Variants in SLC9A9 observed in about 807,000 individuals in gnomAD.
SLC9A9 encodes solute carrier family 9 member A9, also known as sodium/hydrogen exchanger 9.
A neutral mutation model predicts 77.8 loss-of-function variants in SLC9A9; 62 were observed. The ratio of observed to expected loss-of-function variants is 0.80; its 90% CI spans 0.65 to 0.98. The LOEUF is 0.98. SLC9A9 is among the 50% of genes least tolerant of loss of function. The pLI is 0.00. For missense variants in SLC9A9, 775 were observed against 774.9 expected, an observed-to-expected ratio of 1.00 and a Z score of 0.00; for synonymous variants, 320 against 283.5, an observed-to-expected ratio of 1.13 and a Z score of -1.29.
chr3:143,517,793 C>G (rs778912571), intron 9 of SLC9A9: 41 of 1,599,300 alleles, frequency 2.6e-5, no homozygotes, highest in Non-Finnish European at 3.1e-5. Context: ...AATGGCCAAG[C>G]AAGGATTCAG....
Position 143,683,150 on chromosome 3 carries a change from C to T in SLC9A9, c.649+10042G>A, listed in dbSNP as rs6782267. On this transcript the variant is annotated intron_variant, in intron 5 of 15. Coordinates refer to ENST00000316549, the MANE Select transcript of SLC9A9 (RefSeq NM_173653.4). Reference sequence around the variant, plus strand: ...GGGTGCATTATTTGACCAAGGGTGGCGATAAGTTCTGTACATTCCATTTAG... The same window carrying T: ...GGGTGCATTATTTGACCAAGGGTGGTGATAAGTTCTGTACATTCCATTTAG... Among the ~76,000 whole-genome samples the T allele has an allele frequency of 3.4e-3, 519 of 152,072 alleles. 4 individuals are homozygous for T. Among genetic ancestry groups the T allele is most frequent in the African/African-American group, 0.012 (492 of 41,494 alleles).
chr3:143,691,204 A>G (rs1389919145), intron 5 of SLC9A9, among the ~76,000 whole-genome samples: 9 of 151,938 alleles, frequency 5.9e-5, no homozygotes, highest in Non-Finnish European at 1.3e-4. Flanking sequence ...GAACTACCGA[A>G]GTGCACCATT....
intron 8 of SLC9A9, among the ~76,000 whole-genome samples, chr3:143,560,414 C>T (rs2037061868): frequency 6.6e-6 from 1 of 152,190 alleles, no homozygotes; most frequent in Admixed American, 6.5e-5. Context: ...AAAGGAGTAG[C>T]ACAATTTTTG....
At chr3:143,428,982 G>T (rs2034457388) in intron 12 of SLC9A9, among the ~76,000 whole-genome samples, 1 of 152,158 alleles carries the variant, frequency 6.6e-6, no homozygotes, top group African/African-American at 2.4e-5. Flanking sequence ...AAGTTTTGGT[G>T]CTCTATTACA....
intron 11 of SLC9A9, among the ~76,000 whole-genome samples, chr3:143,481,299 C>T (rs2035569721): frequency 6.6e-6 from 1 of 152,062 alleles, no homozygotes; most frequent in Non-Finnish European, 1.5e-5. Context: ...AGAGAAGTTA[C>T]AAAGGCTTGT....
intron 2 of SLC9A9, among the ~76,000 whole-genome samples, chr3:143,803,057 T>C (rs2108865036): frequency 6.6e-6 from 1 of 152,252 alleles, no homozygotes; most frequent in African/African-American, 2.4e-5. Context: ...TTGTTAAGAA[T>C]CTGACCCCTC....
intron 13 of SLC9A9, among the ~76,000 whole-genome samples, chr3:143,370,542 T>C (rs2033029622): frequency 6.8e-6 from 1 of 147,678 alleles, no homozygotes; most frequent in African/African-American, 2.5e-5. Context: ...TTTATATACA[T>C]GTACACAAGT....
chr3:143,708,459 G>A (rs1054336089), intron 4 of SLC9A9, among the ~76,000 whole-genome samples: 8 of 152,276 alleles, frequency 5.3e-5, no homozygotes. Context: ...AATGCTATGA[G>A]TTAGCTCCTC....
At chr3:143,773,462 T>C (rs571428051) in intron 4 of SLC9A9, among the ~76,000 whole-genome samples, 4 of 152,148 alleles carry the variant, frequency 2.6e-5, no homozygotes, top group African/African-American at 9.6e-5. Flanking sequence ...TGTTGGTATG[T>C]TTATGTAATC....
rs78231308 is a variant in SLC9A9, at chr3:143,766,137, A to G, written c.533+28864T>C. 1.1e-4 allele frequency among the ~76,000 whole-genome samples: 16 copies of G among 152,346 alleles called. No individual in the cohort carries two copies. The East Asian group carries it at 2.7e-3, about 26-fold the overall frequency. ...CTACTGAGTTCTGTGGCAGTATGTC[A>G]AGAAGCATTATTGAGGCAATAGATA... On this transcript the variant is annotated intron_variant, in intron 4 of 15. Coordinates refer to ENST00000316549, the MANE Select transcript of SLC9A9 (RefSeq NM_173653.4).
intron 12 of SLC9A9, among the ~76,000 whole-genome samples, chr3:143,387,105 T>C (rs2033445139): frequency 6.6e-6 from 1 of 152,190 alleles, no homozygotes; most frequent in Non-Finnish European, 1.5e-5. Flanking sequence ...CTTCCCAAAG[T>C]GCTGGGATTA....
At chr3:143,578,969 T>A (rs2037411295) in intron 6 of SLC9A9, among the ~76,000 whole-genome samples, 4 of 152,258 alleles carry the variant, frequency 2.6e-5, no homozygotes, top group African/African-American at 9.6e-5. Context: ...ATTGGAAGGG[T>A]CATAAAGAAT....
chr3:143,520,947 A>C (rs2036288449), intron 9 of SLC9A9, among the ~76,000 whole-genome samples: 1 of 152,226 alleles, frequency 6.6e-6, no homozygotes, highest in Non-Finnish European at 1.5e-5. Flanking sequence ...CTCCTATGGA[A>C]CTGAAGTAAT....
intron 4 of SLC9A9, among the ~76,000 whole-genome samples, chr3:143,760,982 A>G (rs2007101615): frequency 6.6e-6 from 1 of 152,238 alleles, no homozygotes; most frequent in South Asian, 2.1e-4. Flanking sequence ...TGGTATTGGT[A>G]TCAAAACAGA....
At chr3:143,779,031 G>A (rs1184363498) in intron 4 of SLC9A9, among the ~76,000 whole-genome samples, 1 of 152,152 alleles carries the variant, frequency 6.6e-6, no homozygotes, top group African/African-American at 2.4e-5. Context: ...CAATTTCACT[G>A]GATTTATAAT....
chr3:143,365,853 T>G (rs775976738), intron 13 of SLC9A9, among the ~76,000 whole-genome samples: 3 of 152,186 alleles, frequency 2.0e-5, no homozygotes, highest in Non-Finnish European at 4.4e-5. Context: ...TTGGGGTTCA[T>G]CTGGCAAAGC....
intron 15 of SLC9A9, among the ~76,000 whole-genome samples, chr3:143,267,451 G>A (rs1429218195): frequency 1.3e-5 from 2 of 148,512 alleles, no homozygotes; most frequent in East Asian, 2.0e-4. Context: ...TGGGGTTCAA[G>A]TGATTCCCCT....
intron 14 of SLC9A9, among the ~76,000 whole-genome samples, chr3:143,321,444 G>C (rs921759761): frequency 1.3e-5 from 2 of 152,118 alleles, no homozygotes; most frequent in African/African-American, 2.4e-5. Context: ...TTCAAGTATG[G>C]CCACCTGAGG....
intron 13 of SLC9A9, 93 bp from the exon 14 acceptor site, chr3:143,363,656 T>C: frequency 1.7e-6 from 2 of 1,188,212 alleles, no homozygotes; most frequent in Non-Finnish European, 2.4e-6. Context: ...TTTAACTACA[T>C]TTAAAAAAAA....
Sources: gnomAD v4.1 joint callset for allele counts (sites outside exome capture counted in the v4.1 genomes callset) on GRCh38, gnomAD v4.1.1 for gene constraint, MANE v1.5 for transcripts, NCBI Gene and HGNC (gene_info 2026-07-23, HGNC 2026-07-21) for gene names.